The following MTFR1L variants were observed in gnomAD, a reference collection of about 807,000 sequenced individuals.
MTFR1L encodes mitochondrial fission regulator 1-like.
In MTFR1L, 10 loss-of-function variants were observed where a neutral mutation model predicts 27.9. The observed-to-expected ratio is 0.36, with a 90% CI of 0.22 to 0.61. MTFR1L has a LOEUF of 0.61. Ranked by LOEUF, MTFR1L falls within the 20% of genes least tolerant of loss-of-function variation. The pLI is 0.73. For synonymous variants in MTFR1L, 151 were observed against 139.4 expected (o/e 1.08, Z -0.58); for missense variants, 315 against 363.7 (o/e 0.87, Z 1.09).
intron 5 of MTFR1L, among the ~76,000 whole-genome samples, chr1:25,827,146 T>C (rs2048179394): frequency 6.6e-6 from 1 of 152,120 alleles, no homozygotes; most frequent in South Asian, 2.1e-4. Context: ...AGCTTTTTTT[T>C]TTTCTCCTCT....
Position 25,823,651 on chromosome 1 carries a change from C to T in MTFR1L, c.32C>T (p.Pro11Leu). 7 of 1,613,898 alleles carry T rather than the reference C, an allele frequency of 4.3e-6. No individual in the cohort carries two copies. Among genetic ancestry groups the T allele is most frequent in the Non-Finnish European group, 5.9e-6 (7 of 1,179,894 alleles). Residue 11 changes from proline to leucine, a missense_variant, in exon 3 of 7, where the codon CCA (proline) becomes CTA (leucine). Physicochemically the swap from Pro to Leu is moderately conservative, Grantham distance 98. Transcript: ENST00000374303. ...TCCGTCTCTTTGCTCCAGACCATCC[C>T]AATCTGGCAAAACAAGCCACATGGG... MSGMEATVTI[P>L]IWQNKPHGAA...
At position 25,826,743 on chromosome 1, in the gene MTFR1L, C is replaced by T; in HGVS notation, c.368C>T (p.Pro123Leu). 1 of 1,614,168 alleles carries T rather than the reference C, an allele frequency of 6.2e-7. No individual in the cohort carries two copies. The highest frequency in any genetic ancestry group is 8.5e-7 in the Non-Finnish European group (1 of 1,180,038). ...CTGGCCCTGAAGAAGCCAGCTCTGC[C>T]AGCCCTAAGCCGCACTACTGAGCTG... ...RLLALKKPAL[P>L]ALSRTTELQD... The change falls in exon 5 of 7, where the codon CCA becomes CTA. Residue 123 changes from proline (P) to leucine (L), a missense_variant. Pro to Leu is a moderately conservative substitution (Grantham distance 98, BLOSUM62 -3). Coordinates refer to ENST00000374303, the MANE Select transcript of MTFR1L (RefSeq NM_001099625.2). This position sits in a 1 kb window ranked among gnomAD's most constrained non-coding sequence, Gnocchi z 4.1.
At position 25,826,675 on chromosome 1, in the gene MTFR1L, C is replaced by A; in HGVS notation, c.300C>A (p.Arg100=). 8 of 1,614,220 alleles carry A rather than the reference C, an allele frequency of 5.0e-6. No homozygotes were observed. Among genetic ancestry groups the A allele is most frequent in the Non-Finnish European group, 6.8e-6 (8 of 1,180,050 alleles). The part of the protein sequence containing the change: ...WKPSPLIVMQ[R]NASVPNLRGS... ...CCAGCCCTCTGATTGTCATGCAGCG[C>A]AATGCCTCTGTTCCCAACCTGCGTG... Residue 100 remains arginine (R), a synonymous_variant, in exon 5 of 7, where the codon CGC becomes CGA. Coordinates refer to ENST00000374303, the MANE Select transcript of MTFR1L (RefSeq NM_001099625.2). The surrounding 1 kb of genome is among the most constrained non-coding windows in gnomAD (Gnocchi z 4.1).
intron 6 of MTFR1L, among the ~76,000 whole-genome samples, chr1:25,831,228 C>T (rs947250814): frequency 6.6e-6 from 1 of 152,146 alleles, no homozygotes; most frequent in Non-Finnish European, 1.5e-5. Flanking sequence ...TTATATTTAG[C>T]TTAATCACCA....
intron 1 of MTFR1L, among the ~76,000 whole-genome samples, chr1:25,821,338 A>G (rs1261193153): frequency 6.6e-6 from 1 of 152,234 alleles, no homozygotes; most frequent in Non-Finnish European, 1.5e-5. Context: ...GACATTCAGC[A>G]CAGAGCCTGG....
intron 1 of MTFR1L, chr1:25,820,415 G>A (rs1050595189): frequency 2.3e-6 from 1 of 440,272 alleles, no homozygotes; most frequent in African/African-American, 2.1e-5. Context: ...CTTGGCCCAG[G>A]TCGGGTCGTC....
intron 3 of MTFR1L, among the ~76,000 whole-genome samples, chr1:25,824,957 C>T (rs1468435116): frequency 6.6e-6 from 1 of 152,126 alleles, no homozygotes; most frequent in Non-Finnish European, 1.5e-5. Context: ...TTACTGAGCA[C>T]ATACTATGTG....
At chr1:25,825,979 G>T (rs770608547) in intron 3 of MTFR1L, 1 of 272,376 alleles carries the variant, frequency 3.7e-6, no homozygotes, top group African/African-American at 2.2e-5. Context: ...GACTACAGGC[G>T]TATACCACCA....
chr1:25,826,155 G>A lies in MTFR1L; in HGVS notation c.130-147G>A. On this transcript the variant is annotated intron_variant, in intron 3 of 6. Transcript: ENST00000374303. The surrounding 1 kb of genome is among the most constrained non-coding windows in gnomAD (Gnocchi z 4.1). ...GACTGTCATCTGGCCTCTGTTCAAT[G>A]TTTTCGACCAGGAACCTTCTTCTGC... 1.6e-6 allele frequency: 1 copy of A among 635,214 alleles called. No individual in the cohort carries two copies. Among genetic ancestry groups the A allele is most frequent in the East Asian group, 2.8e-5 (1 of 35,296 alleles). 39.3% of individuals were successfully genotyped at this position (635,214 alleles called of 1,614,324 possible). A position where few individuals can be genotyped will look rare whatever the true frequency, so the allele number is the denominator to read the frequency against.
At chr1:25,831,820 C>T (rs2048245059) in intron 6 of MTFR1L, 101 bp from the exon 7 acceptor site, 1 of 1,024,304 alleles carries the variant, frequency 9.8e-7, no homozygotes, top group South Asian at 1.3e-5. Context: ...TGGCACCTAC[C>T]TCGTAAGATT....
At position 25,832,165 on chromosome 1, in the gene MTFR1L, G is replaced by A; in HGVS notation, c.*139G>A. 6.4e-7 allele frequency: 1 copy of A among 1,552,654 alleles called. No homozygotes were observed. The highest frequency in any genetic ancestry group is 8.7e-7 in the Non-Finnish European group (1 of 1,152,990). ...TGACAAGCTAGAGCTTGGACTGAAAGAGAAGAGCTGGATTATATATTTCCC... is the reference window on the plus strand; with the variant it reads ...TGACAAGCTAGAGCTTGGACTGAAAAAGAAGAGCTGGATTATATATTTCCC... On this transcript the variant is annotated 3_prime_UTR_variant, in exon 7 of 7. Coordinates refer to ENST00000374303, the MANE Select transcript of MTFR1L (RefSeq NM_001099625.2).
chr1:25,823,582 G>C (rs2048128469), intron 2 of MTFR1L, 62 bp from the exon 3 acceptor site: 2 of 1,583,890 alleles, frequency 1.3e-6, no homozygotes, highest in African/African-American at 2.7e-5. Context: ...GAGAGGAGAG[G>C]ACAAGGACAG....
At chr1:25,822,678 C>T in intron 1 of MTFR1L, 1 of 351,126 alleles carries the variant, frequency 2.8e-6, no homozygotes, top group East Asian at 6.0e-5. Context: ...AGGTGCCCGC[C>T]ACCACACCTG....
In MTFR1L at chr1:25,822,715, AC is replaced by A. The variant is rs1258001592; in HGVS notation, c.-86-303del. ...CTAATTTTTTGTATTTTTAGTAGAG[AC>A]AGGGCTTCACTGTGTTAGCCAGGAT... On this transcript the variant is annotated intron_variant, in intron 1 of 6. Coordinates refer to ENST00000374303, the MANE Select transcript of MTFR1L (RefSeq NM_001099625.2). The A allele has an allele frequency of 5.3e-4, 234 of 442,716 alleles. 15 individuals are homozygous for A. The African/African-American group carries it at 5.6e-3, about 11-fold the overall frequency. 27.4% of individuals were successfully genotyped at this position (442,716 alleles called of 1,614,324 possible).
At position 25,826,591 on chromosome 1, in the gene MTFR1L, T is replaced by C. The variant is rs1189735642; in HGVS notation, c.240-24T>C. On this transcript the variant is annotated intron_variant, in intron 4 of 6. Transcript: ENST00000374303. The surrounding 1 kb of genome is among the most constrained non-coding windows in gnomAD (Gnocchi z 4.1). Reference sequence around the variant, plus strand: ...ACAGTGGCCTGCTGTCTCTAACTGATCTACTTGGTTTTCCCTGGTCCAGGA... The same window carrying C: ...ACAGTGGCCTGCTGTCTCTAACTGACCTACTTGGTTTTCCCTGGTCCAGGA... 1 of 1,613,806 alleles carries C rather than the reference T, an allele frequency of 6.2e-7. No homozygotes were observed. Among genetic ancestry groups the C allele is most frequent in the East Asian group, 2.2e-5 (1 of 44,870 alleles).
In MTFR1L at chr1:25,826,663, T is replaced by C. The variant is rs1346017321; in HGVS notation, c.288T>C (p.Ile96=). The part of the protein sequence containing the change: ...LRHTWKPSPL[I]VMQRNASVPN... The stretch of plus-strand genomic sequence containing the variant: ...ACACCTGGAAACCCAGCCCTCTGAT[T>C]GTCATGCAGCGCAATGCCTCTGTTC... The change falls in exon 5 of 7, where the codon ATT becomes ATC. Residue 96 remains isoleucine (I), a synonymous_variant. Transcript: ENST00000374303. This position sits in a 1 kb window ranked among gnomAD's most constrained non-coding sequence, Gnocchi z 4.1. 1 of 1,614,172 alleles carries C rather than the reference T, an allele frequency of 6.2e-7. No individual in the cohort carries two copies. Among genetic ancestry groups the C allele is most frequent in the Admixed American group, 1.7e-5 (1 of 60,030 alleles).
In MTFR1L at chr1:25,832,312, C is replaced by A. The variant is rs554957964; in HGVS notation, c.*286C>A. ...AAGAGAGAAGTTGTTTCTGGTTTTTCCTTGCCCCTGTGTGAAAATAGGTCC... is the reference window on the plus strand; with the variant it reads ...AAGAGAGAAGTTGTTTCTGGTTTTTACTTGCCCCTGTGTGAAAATAGGTCC... On this transcript the variant is annotated 3_prime_UTR_variant, in exon 7 of 7. Transcript: ENST00000374303. 2.3e-6 allele frequency: 2 copies of A among 851,734 alleles called. No individual in the cohort carries two copies. Among genetic ancestry groups the A allele is most frequent in the Non-Finnish European group, 3.6e-6 (2 of 558,514 alleles). 52.8% of individuals were successfully genotyped at this position (851,734 alleles called of 1,614,324 possible).
chr1:25,822,847 TAA>T (rs2048114683), intron 1 of MTFR1L, 170 bp from the exon 2 acceptor site: 2 of 576,352 alleles, frequency 3.5e-6, no homozygotes, highest in Admixed American at 3.4e-5. Flanking sequence ...ACAGAACCTT[TAA>T]GAGTCTGGAC....
At position 25,820,026 on chromosome 1, in the gene MTFR1L, T is replaced by A. The variant is rs954362539; in HGVS notation, c.-90T>A. On this transcript the variant is annotated 5_prime_UTR_variant, in exon 1 of 7. Coordinates refer to ENST00000374303, the MANE Select transcript of MTFR1L (RefSeq NM_001099625.2). ...GTGAGAGAGTCCGGGAGCCCGAGCTTGAGGTGAGAAAGGTTCTAGGGAGGC... is the reference window on the plus strand; with the variant it reads ...GTGAGAGAGTCCGGGAGCCCGAGCTAGAGGTGAGAAAGGTTCTAGGGAGGC... 5 of 361,510 alleles carry A rather than the reference T, an allele frequency of 1.4e-5. No individual in the cohort carries two copies. In the Admixed American group the frequency reaches 1.9e-4, roughly 14 times the overall value. The allele number at this position is 361,510 out of a possible 1,614,324, so 22.4% of individuals were successfully genotyped here.
Sources: gnomAD v4.1 joint callset for allele counts (sites outside exome capture counted in the v4.1 genomes callset) on GRCh38, gnomAD v4.1.1 for gene constraint, Gnocchi (gnomAD v3.1) non-coding constraint, MANE v1.5 for transcripts, NCBI Gene and HGNC (gene_info 2026-07-23, HGNC 2026-07-21) for gene names.